FRK: variants seen among roughly 807,000 people sequenced by gnomAD.
FRK encodes the protein tyrosine-protein kinase FRK.
FRK carries 51 observed loss-of-function variants against 56.4 expected under a neutral mutation model. That is an observed-to-expected ratio of 0.90 (90% CI 0.72 to 1.14). The LOEUF (loss-of-function observed/expected upper bound fraction) is 1.14, where lower values mean the gene tolerates loss of function less well. FRK is among the 50% of genes most tolerant of loss of function. FRK has a pLI of 0.00. For synonymous variants in FRK, 245 were observed against 217.9 expected (o/e 1.12, Z -1.10); for missense variants, 570 against 601.4 (o/e 0.95, Z 0.55).
intron 2 of FRK, among the ~76,000 whole-genome samples, chr6:116,001,345 G>T (rs1183224007): frequency 6.6e-6 from 1 of 151,910 alleles, no homozygotes; most frequent in Non-Finnish European, 1.5e-5. Flanking sequence ...ACACATGTGT[G>T]TATATTTATC....
chr6:116,049,599 G>A (rs1249918171), intron 1 of FRK, among the ~76,000 whole-genome samples: 1 of 152,192 alleles, frequency 6.6e-6, no homozygotes, highest in Non-Finnish European at 1.5e-5. Flanking sequence ...GCTGGAGGCA[G>A]ATAAATCTCA....
chr6:116,013,677 C>A lies in FRK; in HGVS notation c.345-9679G>T, dbSNP rs183791945. On this transcript the variant is annotated intron_variant, in intron 1 of 7. Coordinates refer to ENST00000606080, the MANE Select transcript of FRK (RefSeq NM_002031.3). ...TTCTCTATACGAATAAGCTTTGGGG[C>A]AGTACTATACTTCTTACATGGGACA... 1.6e-3 allele frequency among the ~76,000 whole-genome samples: 245 copies of A among 152,210 alleles called. 1 individual carries two copies. Among genetic ancestry groups the A allele is most frequent in the Non-Finnish European group, 2.3e-3 (159 of 67,992 alleles).
At chr6:115,957,831 C>T (rs1031122226) in intron 4 of FRK, among the ~76,000 whole-genome samples, 1 of 152,202 alleles carries the variant, frequency 6.6e-6, no homozygotes, top group Non-Finnish European at 1.5e-5. Flanking sequence ...CCTCTCTAAA[C>T]TTCAGTTTCT....
At chr6:116,039,823 C>T (rs1482759547) in intron 1 of FRK, among the ~76,000 whole-genome samples, 2 of 151,950 alleles carry the variant, frequency 1.3e-5, no homozygotes, top group Admixed American at 6.6e-5. Context: ...TTCCTTCTTA[C>T]ACCCTGAGGC....
chr6:116,001,168 G>A (rs1293418852), intron 2 of FRK, among the ~76,000 whole-genome samples: 1 of 151,896 alleles, frequency 6.6e-6, no homozygotes, highest in African/African-American at 2.4e-5. Flanking sequence ...AACCCAGAAG[G>A]GAGAGGTTGC....
intron 1 of FRK, among the ~76,000 whole-genome samples, chr6:116,033,131 G>A (rs1776356564): frequency 6.6e-6 from 1 of 151,756 alleles, no homozygotes; most frequent in Non-Finnish European, 1.5e-5. Flanking sequence ...ACTCTATGAT[G>A]GATCACAGGC....
intron 2 of FRK, among the ~76,000 whole-genome samples, chr6:115,995,681 T>C (rs1774812346): frequency 2.0e-5 from 3 of 152,182 alleles, no homozygotes; most frequent in African/African-American, 7.2e-5. Context: ...AGATAAAAGA[T>C]TCTTCATGAA....
Position 115,944,385 on chromosome 6 carries a change from G to A in FRK, c.999C>T (p.Asp333=). Residue 333 remains aspartate, a synonymous_variant, in exon 6 of 8, where the codon GAC becomes GAT. Transcript: ENST00000606080. ...GSKIHLTQQV[D]MAAQVASGMA... is the part of the protein sequence containing the mutation. ...TTCCAGAGGCAACCTGTGCCGCCAT[G>A]TCTACCTGTTGAGTCAGATGGATTT... 3 of 1,611,890 alleles carry A rather than the reference G, an allele frequency of 1.9e-6. No homozygotes were observed. Among genetic ancestry groups the A allele is most frequent in the East Asian group, 2.2e-5 (1 of 44,874 alleles).
chr6:116,043,836 G>A lies in FRK; in HGVS notation c.344+16132C>T, dbSNP rs754833433. Among the ~76,000 whole-genome samples, 7 of 151,936 alleles carry A rather than the reference G, an allele frequency of 4.6e-5. 1 individual carries two copies. Among genetic ancestry groups the A allele is most frequent in the Admixed American group, 1.3e-4 (2 of 15,236 alleles). On this transcript the variant is annotated intron_variant, in intron 1 of 7. Coordinates refer to ENST00000606080, the MANE Select transcript of FRK (RefSeq NM_002031.3). Reference sequence around the variant, plus strand: ...AAAAGATTAACAAAATAGATAGACCGCTAGACAGACTAATAAAGAAGAAAA... The same window carrying A: ...AAAAGATTAACAAAATAGATAGACCACTAGACAGACTAATAAAGAAGAAAA...
chr6:115,966,082 T>TA (rs1554226807), intron 4 of FRK, among the ~76,000 whole-genome samples: 2,758 of 16,806 alleles, frequency 0.16, 142 homozygotes, highest in Admixed American at 0.43. Context: ...AAGAAATACT[T>TA]AAAAAAAAAA....
At position 116,026,914 on chromosome 6, in the gene FRK, G is replaced by A. The variant is rs556591870; in HGVS notation, c.345-22916C>T. On this transcript the variant is annotated intron_variant, in intron 1 of 7. Transcript: ENST00000606080. The stretch of plus-strand genomic sequence containing the variant: ...GTGTCAAAATTGGGCATGGAATAAG[G>A]TATAAAGTAGGGAAGAGATGATAAG... Among the ~76,000 whole-genome samples, 15 of 152,252 alleles carry A rather than the reference G, an allele frequency of 9.9e-5. No homozygotes were observed. The South Asian group carries it at 2.9e-3, about 29-fold the overall frequency.
At chr6:115,977,206 A>C (rs888178201) in intron 2 of FRK, among the ~76,000 whole-genome samples, 1 of 152,194 alleles carries the variant, frequency 6.6e-6, no homozygotes, top group African/African-American at 2.4e-5. Context: ...AGTTCAAGAC[A>C]CATGCTAATG....
intron 1 of FRK, chr6:116,039,521 C>T (rs1562299440): frequency 3.8e-6 from 5 of 1,332,710 alleles, no homozygotes; most frequent in South Asian, 1.2e-5. Context: ...CCTACCCTTC[C>T]TGCCAAGCCA....
chr6:116,019,727 A>G (rs745998221), intron 1 of FRK, among the ~76,000 whole-genome samples: 2 of 152,222 alleles, frequency 1.3e-5, no homozygotes, highest in Non-Finnish European at 2.9e-5. Flanking sequence ...AAGCAGTTAC[A>G]TGTGACTTCA....
intron 2 of FRK, among the ~76,000 whole-genome samples, chr6:115,993,948 A>C (rs1436858324): frequency 6.6e-6 from 1 of 151,976 alleles, no homozygotes; most frequent in African/African-American, 2.4e-5. Flanking sequence ...AAATCAAATG[A>C]TTTCAAAATT....
At chr6:116,065,471 T>C (rs918993613), upstream of FRK, among the ~76,000 whole-genome samples, 11 of 152,220 alleles carry the variant, frequency 7.2e-5, no homozygotes, top group African/African-American at 2.7e-4. Context: ...TTCTTCTGCA[T>C]ACCTGTTGAC....
At chr6:116,078,650 G>A in the FRK span, among the ~76,000 whole-genome samples, 1 of 152,162 alleles carries the variant, frequency 6.6e-6, no homozygotes, top group Non-Finnish European at 1.5e-5. Flanking sequence ...TTAACAAGTT[G>A]TCAGATGCGT....
chr6:116,059,376 T>G (rs944868193), intron 1 of FRK, among the ~76,000 whole-genome samples: 2 of 152,128 alleles, frequency 1.3e-5, no homozygotes, highest in Admixed American at 6.5e-5. Flanking sequence ...GATATCATAA[T>G]TTGGGTAGCA....
intron 5 of FRK, among the ~76,000 whole-genome samples, chr6:115,952,335 T>C (rs1322645465): frequency 1.3e-5 from 2 of 152,168 alleles, no homozygotes; most frequent in Non-Finnish European, 2.9e-5. Flanking sequence ...GCACCATCAC[T>C]GGCCATCAGA....
Sources: gnomAD v4.1 joint callset for allele counts (sites outside exome capture counted in the v4.1 genomes callset) on GRCh38, gnomAD v4.1.1 for gene constraint, MANE v1.5 for transcripts, NCBI Gene and HGNC (gene_info 2026-07-23, HGNC 2026-07-21) for gene names.